MARCHF1: variants seen among roughly 807,000 people sequenced by gnomAD.
The protein encoded by MARCHF1 is E3 ubiquitin-protein ligase MARCHF1.
A neutral mutation model predicts 54.2 loss-of-function variants in MARCHF1; 40 were observed. The observed-to-expected ratio is 0.74, with a 90% CI of 0.57 to 0.96. The LOEUF (loss-of-function observed/expected upper bound fraction) is 0.96, where lower values mean the gene tolerates loss of function less well. MARCHF1 is among the 40% of genes least tolerant of loss of function. The pLI is 0.00. For synonymous variants in MARCHF1, 236 were observed against 236.3 expected (o/e 1.00, Z 0.01); for missense variants, 586 against 656.5 (o/e 0.89, Z 1.17).
chr4:163,842,652 G>A (rs1289378652), intron 4 of MARCHF1, among the ~76,000 whole-genome samples: 1 of 152,118 alleles, frequency 6.6e-6, no homozygotes, highest in Non-Finnish European at 1.5e-5. Context: ...AGTTGTTAAC[G>A]TGTCAGGTGC....
chr4:163,884,296 A>T (rs1328369100), intron 3 of MARCHF1, among the ~76,000 whole-genome samples: 6 of 152,164 alleles, frequency 3.9e-5, no homozygotes, highest in African/African-American at 1.4e-4. Flanking sequence ...TTCTGATATT[A>T]AGCAAATATA....
intron 1 of MARCHF1, among the ~76,000 whole-genome samples, chr4:164,331,949 A>G (rs2110806685): frequency 6.6e-6 from 1 of 152,294 alleles, no homozygotes; most frequent in Middle Eastern, 3.4e-3. Flanking sequence ...GGTTTTGTTC[A>G]TTAGAAATAT....
At chr4:163,556,627 T>C (rs959541605) in intron 8 of MARCHF1, among the ~76,000 whole-genome samples, 1 of 151,798 alleles carries the variant, frequency 6.6e-6, no homozygotes, top group Non-Finnish European at 1.5e-5. Flanking sequence ...GATTTATATA[T>C]AAATAAAACA....
At chr4:163,953,502 T>C (rs899638103) in intron 3 of MARCHF1, among the ~76,000 whole-genome samples, 1 of 152,182 alleles carries the variant, frequency 6.6e-6, no homozygotes, top group African/African-American at 2.4e-5. Context: ...TCTTTGCTTC[T>C]TTCTCTTTTG....
intron 3 of MARCHF1, among the ~76,000 whole-genome samples, chr4:163,863,854 C>A (rs1413772662): frequency 1.3e-5 from 2 of 151,868 alleles, no homozygotes; most frequent in Admixed American, 6.6e-5. Context: ...CAAGGCAAAA[C>A]AAGACACAAA....
intron 3 of MARCHF1, among the ~76,000 whole-genome samples, chr4:163,893,451 C>A (rs999627630): frequency 6.6e-6 from 1 of 152,058 alleles, no homozygotes; most frequent in East Asian, 1.9e-4. Flanking sequence ...TCTTTTAGGG[C>A]TGTTTGCCAT....
chr4:163,744,611 G>A (rs1045661785), intron 4 of MARCHF1, among the ~76,000 whole-genome samples: 2 of 152,090 alleles, frequency 1.3e-5, no homozygotes, highest in African/African-American at 2.4e-5. Context: ...GTCAAATAAG[G>A]AATATTTACA....
At chr4:164,028,464 T>C (rs910230173) in intron 2 of MARCHF1, among the ~76,000 whole-genome samples, 4 of 152,116 alleles carry the variant, frequency 2.6e-5, no homozygotes, top group African/African-American at 9.7e-5. Context: ...CGTGAGTTAA[T>C]GAAGAAACAG....
At chr4:164,201,008 A>G (rs1731436732) in intron 1 of MARCHF1, among the ~76,000 whole-genome samples, 1 of 152,224 alleles carries the variant, frequency 6.6e-6, no homozygotes, top group Non-Finnish European at 1.5e-5. Flanking sequence ...AGACTAACAG[A>G]AAGAAAATCA....
At chr4:164,027,693 A>C (rs1416947809) in intron 2 of MARCHF1, among the ~76,000 whole-genome samples, 1 of 150,506 alleles carries the variant, frequency 6.6e-6, no homozygotes, top group African/African-American at 2.4e-5. Flanking sequence ...AGCCTTGGCA[A>C]ATAATGTTTG....
chr4:163,564,811 A>G (rs781128609), intron 8 of MARCHF1, among the ~76,000 whole-genome samples: 1 of 152,066 alleles, frequency 6.6e-6, no homozygotes. Flanking sequence ...GTTTGTTACT[A>G]TCCTGTCATT....
intron 4 of MARCHF1, among the ~76,000 whole-genome samples, chr4:163,781,188 T>C (rs1171756723): frequency 6.6e-6 from 1 of 152,142 alleles, no homozygotes; most frequent in African/African-American, 2.4e-5. Context: ...CCGTCTCTAC[T>C]GAAAATACAA....
At chr4:163,531,187 A>T (rs1054550544) in intron 9 of MARCHF1, among the ~76,000 whole-genome samples, 1 of 151,896 alleles carries the variant, frequency 6.6e-6, no homozygotes, top group Non-Finnish European at 1.5e-5. Context: ...CTATGAAGAA[A>T]AGTTATAGGC....
chr4:163,869,622 T>G (rs1182475331), intron 3 of MARCHF1, among the ~76,000 whole-genome samples: 1 of 152,182 alleles, frequency 6.6e-6, no homozygotes, highest in Middle Eastern at 3.4e-3. Context: ...AATAGAAAAA[T>G]GCTGATACAA....
chr4:164,187,489 G>C (rs1290198681), intron 1 of MARCHF1, among the ~76,000 whole-genome samples: 1 of 152,032 alleles, frequency 6.6e-6, no homozygotes, highest in Non-Finnish European at 1.5e-5. Flanking sequence ...CCTCCACATC[G>C]CCCCCATAGG....
intron 5 of MARCHF1, among the ~76,000 whole-genome samples, chr4:163,645,470 A>G (rs1742718890): frequency 6.6e-6 from 1 of 152,242 alleles, no homozygotes; most frequent in Admixed American, 6.5e-5. Flanking sequence ...CGAAGAACCA[A>G]GCAAACATGA....
chr4:163,994,752 C>T (rs1048566868), intron 2 of MARCHF1, among the ~76,000 whole-genome samples: 2 of 98,172 alleles, frequency 2.0e-5, no homozygotes, highest in Non-Finnish European at 4.0e-5. Flanking sequence ...CACACACACA[C>T]ACACACACAC....
Position 164,073,119 on chromosome 4 carries a change from A to G in MARCHF1, c.-248+38469T>C, listed in dbSNP as rs769909433. Among the ~76,000 whole-genome samples the G allele has an allele frequency of 2.0e-5, 3 of 152,362 alleles. No individual in the cohort carries two copies. In the South Asian group the frequency reaches 6.2e-4, roughly 32 times the overall value. On this transcript the variant is annotated intron_variant, in intron 2 of 9. Coordinates refer to ENST00000514618, the MANE Select transcript of MARCHF1 (RefSeq NM_001394959.1). ...CAGGAACAAGGTTTTCTTGAAGTAC[A>G]GTGACTTGTACAGACATTATAAGTA... is the stretch of plus-strand genomic sequence containing the variant.
At chr4:163,531,569 C>T (rs1255369123) in intron 9 of MARCHF1, among the ~76,000 whole-genome samples, 1 of 151,840 alleles carries the variant, frequency 6.6e-6, no homozygotes, top group African/African-American at 2.4e-5. Context: ...CATGCCTATT[C>T]CGCATCACAC....
Sources: gnomAD v4.1 joint callset for allele counts (sites outside exome capture counted in the v4.1 genomes callset) on GRCh38, gnomAD v4.1.1 for gene constraint, MANE v1.5 for transcripts, NCBI Gene and HGNC (gene_info 2026-07-23, HGNC 2026-07-21) for gene names.